HINT3: variants seen among roughly 807,000 people sequenced by gnomAD.
The protein encoded by HINT3 is histidine triad nucleotide binding protein 3.
HINT3 carries 16 observed loss-of-function variants against 19.1 expected under a neutral mutation model. That is an observed-to-expected ratio of 0.84 (90% CI 0.57 to 1.27). The LOEUF is 1.27. Among genes scored for constraint, HINT3 ranks in the 50% most tolerant of loss-of-function variants. The pLI is 0.00. For missense variants in HINT3, 197 were observed against 225.8 expected (o/e 0.87, Z 0.82); for synonymous variants, 75 against 84.8 (o/e 0.88, Z 0.63).
intron 1 of HINT3, among the ~76,000 whole-genome samples, chr6:125,959,133 A>T (rs1788883400): frequency 6.6e-6 from 1 of 152,076 alleles, no homozygotes; most frequent in Non-Finnish European, 1.5e-5. Context: ...ATGTCTTTTA[A>T]ATGGTTGGAT....
At chr6:125,966,183 C>T (rs1316565729) in intron 1 of HINT3, among the ~76,000 whole-genome samples, 4 of 151,932 alleles carry the variant, frequency 2.6e-5, no homozygotes, top group South Asian at 2.1e-4. Context: ...TAGGAAAGTT[C>T]GAAATTCAAA....
chr6:125,974,079 G>A (rs1183392075), intron 3 of HINT3, among the ~76,000 whole-genome samples: 1 of 152,130 alleles, frequency 6.6e-6, no homozygotes, highest in African/African-American at 2.4e-5. Context: ...GCACTTCTAT[G>A]CCTCCTTTCC....
At chr6:125,959,506 G>A (rs144621712) in intron 1 of HINT3, among the ~76,000 whole-genome samples, 190 of 152,330 alleles carry the variant, frequency 1.2e-3, no homozygotes, top group African/African-American at 4.4e-3. Flanking sequence ...AGCAGGACTG[G>A]TTGTGTCCCC....
chr6:125,960,175 T>G (rs1002850385), intron 1 of HINT3, among the ~76,000 whole-genome samples: 8 of 152,172 alleles, frequency 5.3e-5, no homozygotes, highest in Non-Finnish European at 1.0e-4. Flanking sequence ...AAACAAGGAT[T>G]GTTGTACAGC....
At chr6:125,976,640 A>AT (rs915056443) in intron 4 of HINT3, among the ~76,000 whole-genome samples, 3 of 151,424 alleles carry the variant, frequency 2.0e-5, no homozygotes, top group African/African-American at 7.3e-5. Flanking sequence ...CATTTTTGTA[A>AT]TGTTTTGACT....
chr6:125,961,640 A>G (rs1269818769), intron 1 of HINT3, among the ~76,000 whole-genome samples: 1 of 152,152 alleles, frequency 6.6e-6, no homozygotes, highest in Non-Finnish European at 1.5e-5. Context: ...TGAATAGCCC[A>G]AAGTATGGGG....
chr6:125,972,911 A>T (rs1448699283), intron 3 of HINT3, among the ~76,000 whole-genome samples: 1 of 151,990 alleles, frequency 6.6e-6, no homozygotes, highest in Non-Finnish European at 1.5e-5. Context: ...TCTTTGTTCA[A>T]TATGGGCATT....
intron 1 of HINT3, among the ~76,000 whole-genome samples, chr6:125,965,932 A>C (rs1789010990): frequency 6.6e-6 from 1 of 152,208 alleles, no homozygotes; most frequent in Non-Finnish European, 1.5e-5. Flanking sequence ...TTATCTTAGG[A>C]TAACCAGGAT....
chr6:125,957,301 G>A, intron 1 of HINT3, 123 bp downstream of exon 1: 1 of 1,066,826 alleles, frequency 9.4e-7, no homozygotes. Flanking sequence ...GCTCGCAGAG[G>A]CAGGGCCGCT....
At position 125,977,898 on chromosome 6, in the gene HINT3, T is replaced by A. The variant is rs1789200542; in HGVS notation, c.*222T>A. 1 of 365,140 alleles carries A rather than the reference T, an allele frequency of 2.7e-6. No homozygotes were observed. The highest frequency in any genetic ancestry group is 2.1e-5 in the African/African-American group (1 of 47,636). 22.6% of individuals were successfully genotyped at this position (365,140 alleles called of 1,614,324 possible). A position where few individuals can be genotyped will look rare whatever the true frequency, so the allele number is the denominator to read the frequency against. On this transcript the variant is annotated 3_prime_UTR_variant, in exon 5 of 5. Coordinates refer to ENST00000229633, the MANE Select transcript of HINT3 (RefSeq NM_138571.5). ...TTCAATGGTTACTTGTATAAGGATTTTATATATATGATACTATAGATAAAA... is the reference window on the plus strand; with the variant it reads ...TTCAATGGTTACTTGTATAAGGATTATATATATATGATACTATAGATAAAA...
chr6:125,977,594 T>G (rs1465484276), intron 4 of HINT3, 50 bp from the exon 5 acceptor site: 2 of 950,620 alleles, frequency 2.1e-6, no homozygotes, highest in Non-Finnish European at 3.2e-6. Context: ...TAGAATTATT[T>G]GATAGAGACT....
chr6:125,977,149 A>G (rs932095999), intron 4 of HINT3, among the ~76,000 whole-genome samples: 11 of 152,218 alleles, frequency 7.2e-5, no homozygotes, highest in African/African-American at 2.2e-4. Flanking sequence ...AAGGACATGT[A>G]TCCACCATTA....
intron 4 of HINT3, 88 bp from the exon 5 acceptor site, chr6:125,977,553 CTAA>C: frequency 1.6e-6 from 1 of 611,028 alleles, no homozygotes; most frequent in Non-Finnish European, 2.8e-6. Flanking sequence ...CTCAACTCTT[CTAA>C]TGTGGCATAT....
At position 125,957,164 on chromosome 6, in the gene HINT3, C is replaced by G. The variant is rs1053251163; in HGVS notation, c.187C>G (p.Leu63Val). Residue 63 changes from leucine (L) to valine (V), a missense_variant, in exon 1 of 5, where the codon CTC becomes GTC. By Grantham distance (32) the Leu-to-Val change is conservative. Transcript: ENST00000229633. ...IAGRQDPGTE[L>V]LHCENEDLIC... ...GGGGCGGCAGGACCCGGGCACCGAA[C>G]TCCTGCACTGCGAGGTGGGCGGCGA... 9.6e-5 allele frequency: 149 copies of G among 1,546,926 alleles called. 1 individual carries two copies. The highest frequency in any genetic ancestry group is 1.3e-4 in the Non-Finnish European group (147 of 1,144,582).
intron 4 of HINT3, among the ~76,000 whole-genome samples, chr6:125,977,045 A>G (rs755739396): frequency 2.6e-5 from 4 of 152,214 alleles, no homozygotes; most frequent in African/African-American, 9.6e-5. Context: ...GTTACAATCA[A>G]TGAACCCCAT....
intron 1 of HINT3, among the ~76,000 whole-genome samples, chr6:125,958,326 A>G (rs1354452224): frequency 6.6e-6 from 1 of 152,188 alleles, no homozygotes; most frequent in African/African-American, 2.4e-5. Flanking sequence ...CAGATTATTA[A>G]GTGTGTTGGA....
chr6:125,976,517 GTTTT>G (rs756368776), intron 4 of HINT3, among the ~76,000 whole-genome samples: 26 of 113,090 alleles, frequency 2.3e-4, no homozygotes, highest in Non-Finnish European at 4.2e-4. Context: ...GCTGGTTTGG[GTTTT>G]TTTTTTTTTT....
intron 3 of HINT3, among the ~76,000 whole-genome samples, chr6:125,973,334 C>A (rs994179268): frequency 9.9e-5 from 15 of 152,022 alleles, no homozygotes; most frequent in Non-Finnish European, 2.1e-4. Context: ...CCGCCTTGGC[C>A]TCTCAAAATG....
intron 2 of HINT3, among the ~76,000 whole-genome samples, chr6:125,968,790 T>C (rs1196742380): frequency 1.3e-5 from 2 of 152,162 alleles, no homozygotes; most frequent in African/African-American, 4.8e-5. Context: ...TTTTCATATT[T>C]TTTTGTCCTC....
Sources: gnomAD v4.1 joint callset for allele counts (sites outside exome capture counted in the v4.1 genomes callset) on GRCh38, gnomAD v4.1.1 for gene constraint, MANE v1.5 for transcripts, NCBI Gene and HGNC (gene_info 2026-07-23, HGNC 2026-07-21) for gene names.